Variants in MYRFL observed in about 807,000 individuals in gnomAD.
MYRFL encodes the protein myelin regulatory factor-like protein.
A neutral mutation model predicts 109.4 loss-of-function variants in MYRFL; 88 were observed. The observed-to-expected ratio is 0.80, with a 90% CI of 0.68 to 0.96. MYRFL has a LOEUF of 0.96. Among genes scored for constraint, MYRFL ranks in the 40% least tolerant of loss-of-function variants. MYRFL has a pLI of 0.00. For missense variants in MYRFL, 957 were observed against 954.9 expected (o/e 1.00, Z -0.03); for synonymous variants, 324 against 320.9 (o/e 1.01, Z -0.10).
chr12:69,835,827 C>G (rs547688200), intron 1 of MYRFL, among the ~76,000 whole-genome samples: 4 of 152,302 alleles, frequency 2.6e-5, no homozygotes, highest in African/African-American at 9.6e-5. Flanking sequence ...GACGGGCAGG[C>G]TGTGGGGCTC....
At chr12:69,896,888 C>T (rs938052708) in intron 9 of MYRFL, among the ~76,000 whole-genome samples, 2 of 152,196 alleles carry the variant, frequency 1.3e-5, no homozygotes, top group Non-Finnish European at 2.9e-5. Flanking sequence ...CGCAGGGTGG[C>T]CTGCTTTCCT....
chr12:69,956,159 G>A (rs1333492864), intron 22 of MYRFL, among the ~76,000 whole-genome samples: 1 of 149,048 alleles, frequency 6.7e-6, no homozygotes, highest in Non-Finnish European at 1.5e-5. Flanking sequence ...TTGAGATTGG[G>A]ACACTTGGGT....
At chr12:69,883,067 C>G (rs1886229411) in intron 5 of MYRFL, among the ~76,000 whole-genome samples, 1 of 152,200 alleles carries the variant, frequency 6.6e-6, no homozygotes, top group Admixed American at 6.5e-5. Flanking sequence ...TCCAAAAGGT[C>G]TGGACTTAGG....
chr12:69,955,354 C>T lies in MYRFL; in HGVS notation c.2376-9C>T. On this transcript the variant is annotated splice_polypyrimidine_tract_variant and intron_variant, in intron 21 of 24. Coordinates refer to ENST00000552032, the MANE Select transcript of MYRFL (RefSeq NM_182530.3). ...TTGATTTGTGGTTTTATTTTCTTTCCATAATTAGATCTGGAAATTATAATT... is the reference window on the plus strand; with the variant it reads ...TTGATTTGTGGTTTTATTTTCTTTCTATAATTAGATCTGGAAATTATAATT... 1.6e-6 allele frequency: 1 copy of T among 625,188 alleles called. No individual in the cohort carries two copies. Among genetic ancestry groups the T allele is most frequent in the Non-Finnish European group, 2.8e-6 (1 of 354,918 alleles). The allele number at this position is 625,188 out of a possible 1,614,324, so 38.7% of individuals were successfully genotyped here.
At chr12:69,956,597 T>C (rs1194428712) in intron 22 of MYRFL, among the ~76,000 whole-genome samples, 3 of 151,950 alleles carry the variant, frequency 2.0e-5, no homozygotes, top group Non-Finnish European at 1.5e-5. Flanking sequence ...CCCTTCCCTC[T>C]GTCCTCCCCT....
intron 11 of MYRFL, among the ~76,000 whole-genome samples, chr12:69,909,570 T>C (rs565832012): frequency 7.2e-5 from 11 of 152,326 alleles, no homozygotes; most frequent in African/African-American, 2.4e-4. Context: ...AATTCTGCTA[T>C]TACTATCATT....
chr12:69,853,547 T>C (rs181746906), intron 1 of MYRFL, among the ~76,000 whole-genome samples: 117 of 112,596 alleles, frequency 1.0e-3, no homozygotes, highest in East Asian at 1.8e-3. Context: ...TCCCCACATC[T>C]CAGACGACGG....
At chr12:69,894,804 T>C (rs986861693) in intron 8 of MYRFL, among the ~76,000 whole-genome samples, 2 of 152,206 alleles carry the variant, frequency 1.3e-5, no homozygotes, top group African/African-American at 4.8e-5. Context: ...CCCTTTGGGC[T>C]GAGAAGAAGA....
chr12:69,895,166 A>G (rs1953944971), intron 8 of MYRFL, among the ~76,000 whole-genome samples: 3 of 152,198 alleles, frequency 2.0e-5, no homozygotes, highest in Admixed American at 1.3e-4. Flanking sequence ...TTACCCTTCA[A>G]GATATTCCAT....
chr12:69,950,630 G>C (rs796788245), intron 19 of MYRFL, among the ~76,000 whole-genome samples: 13 of 152,274 alleles, frequency 8.5e-5, no homozygotes, highest in African/African-American at 3.1e-4. Context: ...AGTAGTATCA[G>C]GATCAAAAGA....
At chr12:69,908,156 T>C (rs1166476417) in intron 11 of MYRFL, among the ~76,000 whole-genome samples, 1 of 152,218 alleles carries the variant, frequency 6.6e-6, no homozygotes, top group Admixed American at 6.5e-5. Context: ...TATCAATGTA[T>C]TTAACAATTA....
chr12:69,956,079 C>T (rs1956087551), intron 22 of MYRFL, among the ~76,000 whole-genome samples: 1 of 151,758 alleles, frequency 6.6e-6, no homozygotes, highest in African/African-American at 2.4e-5. Flanking sequence ...ATATGCCAGA[C>T]TTTAATACTG....
At chr12:69,951,270 T>C (rs1279040002) in intron 19 of MYRFL, among the ~76,000 whole-genome samples, 1 of 152,168 alleles carries the variant, frequency 6.6e-6, no homozygotes, top group Non-Finnish European at 1.5e-5. Context: ...ACAGTTCTGG[T>C]GGCTGGAAGT....
chr12:69,856,194 A>G (rs1246028950), intron 2 of MYRFL, among the ~76,000 whole-genome samples: 2 of 152,138 alleles, frequency 1.3e-5, no homozygotes, highest in Non-Finnish European at 2.9e-5. Flanking sequence ...TAACACTTTC[A>G]GTCTGCCTCC....
At chr12:69,886,688 T>G in intron 5 of MYRFL, 132 bp from the exon 6 acceptor site, 1 of 1,096,548 alleles carries the variant, frequency 9.1e-7, no homozygotes, top group Non-Finnish European at 1.3e-6. Context: ...ACACACCTCC[T>G]ACCCCCAGCA....
intron 2 of MYRFL, among the ~76,000 whole-genome samples, chr12:69,863,564 A>C (rs1008002041): frequency 7.2e-5 from 11 of 152,200 alleles, no homozygotes; most frequent in African/African-American, 2.4e-4. Flanking sequence ...TAGCCATAAA[A>C]GTCCCATTTC....
chr12:69,935,942 CTG>C, intron 16 of MYRFL, 169 bp from the exon 17 acceptor site: 1 of 713,514 alleles, frequency 1.4e-6, no homozygotes, highest in Non-Finnish European at 2.2e-6. Flanking sequence ...AAAAGCATAA[CTG>C]TGCTGGTTTC....
At chr12:69,955,113 T>C (rs1288692305) in intron 21 of MYRFL, among the ~76,000 whole-genome samples, 2 of 152,202 alleles carry the variant, frequency 1.3e-5, no homozygotes, top group Non-Finnish European at 2.9e-5. Context: ...CATTGTTTTT[T>C]TCTGTGTGTT....
At chr12:69,958,025 C>T (rs774872093) in intron 23 of MYRFL, 83 bp downstream of exon 23, 40 of 1,474,050 alleles carry the variant, frequency 2.7e-5, no homozygotes, top group Admixed American at 4.4e-5. Flanking sequence ...CCTGGCCAAC[C>T]CTAGTCACAG....
Sources: gnomAD v4.1 joint callset for allele counts (sites outside exome capture counted in the v4.1 genomes callset) on GRCh38, gnomAD v4.1.1 for gene constraint, MANE v1.5 for transcripts, NCBI Gene and HGNC (gene_info 2026-07-23, HGNC 2026-07-21) for gene names.